The following PDE3B variants were observed in gnomAD, a reference collection of about 807,000 sequenced individuals.
PDE3B encodes the protein phosphodiesterase 3B, also known as cGMP-inhibited 3',5'-cyclic phosphodiesterase 3B.
Under a neutral mutation model 116.8 loss-of-function variants are expected in PDE3B, and 66 were observed. That is an observed-to-expected ratio of 0.56 (90% CI 0.46 to 0.69). The LOEUF (loss-of-function observed/expected upper bound fraction) is 0.69, where lower values mean the gene tolerates loss of function less well. Ranked by LOEUF, PDE3B falls within the 30% of genes least tolerant of loss-of-function variation. PDE3B has a pLI of 0.00. For synonymous variants in PDE3B, 595 were observed against 533.6 expected (o/e 1.12, Z -1.59); for missense variants, 1,384 against 1,368.1 (o/e 1.01, Z -0.18).
chr11:14,678,969 C>T (rs1235821942), intron 1 of PDE3B, among the ~76,000 whole-genome samples: 1 of 152,180 alleles, frequency 6.6e-6, no homozygotes. Context: ...TTTTCTCCTA[C>T]ATACAGAATT....
At chr11:14,726,757 TGAA>T (rs1856316893) in intron 1 of PDE3B, among the ~76,000 whole-genome samples, 1 of 152,180 alleles carries the variant, frequency 6.6e-6, no homozygotes, top group African/African-American at 2.4e-5. Flanking sequence ...TTTGCAAAGA[TGAA>T]GATTGTTTTG....
At chr11:14,782,750 G>A (rs185693786) in intron 2 of PDE3B, among the ~76,000 whole-genome samples, 3,152 of 152,136 alleles carry the variant, frequency 0.021, 109 homozygotes, top group African/African-American at 0.072. Flanking sequence ...AAAAGCCAAA[G>A]TTGACAAATG....
intron 1 of PDE3B, among the ~76,000 whole-genome samples, chr11:14,650,154 C>A (rs1853530696): frequency 6.6e-6 from 1 of 150,384 alleles, no homozygotes; most frequent in Admixed American, 6.6e-5. Context: ...ACAGCACGTT[C>A]TTTGGCCACC....
chr11:14,873,242 C>T (rs1432934863), downstream of PDE3B, among the ~76,000 whole-genome samples: 1 of 152,210 alleles, frequency 6.6e-6, no homozygotes, highest in African/African-American at 2.4e-5. Flanking sequence ...ACAAAACCCA[C>T]TGTTCTGCCA....
intron 1 of PDE3B, among the ~76,000 whole-genome samples, chr11:14,735,008 T>G (rs990002533): frequency 3.3e-5 from 5 of 152,248 alleles, no homozygotes; most frequent in Non-Finnish European, 5.9e-5. Flanking sequence ...TTATGTCTCT[T>G]TCATCTCTTT....
chr11:14,801,278 C>T (rs1162172259), intron 4 of PDE3B, among the ~76,000 whole-genome samples: 2 of 152,194 alleles, frequency 1.3e-5, no homozygotes, highest in Non-Finnish European at 2.9e-5. Context: ...TTCTCCCCAT[C>T]TTTGTGGATT....
intron 10 of PDE3B, among the ~76,000 whole-genome samples, chr11:14,833,962 G>A (rs576071664): frequency 6.6e-6 from 1 of 152,248 alleles, no homozygotes; most frequent in African/African-American, 2.4e-5. Context: ...CATTAGTTAA[G>A]AAAATAGTCT....
At position 14,831,725 on chromosome 11, in the gene PDE3B, T is replaced by C; in HGVS notation, c.2042T>C (p.Ile681Thr). The change falls in exon 9 of 16, where the codon ATT (isoleucine) becomes ACT (threonine). Residue 681 changes from isoleucine (I) to threonine (T), a missense_variant. By Grantham distance (89) the Ile-to-Thr change is moderately conservative. This residue lies in a region of PDE3B where 428 missense variants were observed against 561.4 expected (regional missense o/e 0.76). Coordinates refer to ENST00000282096, the MANE Select transcript of PDE3B (RefSeq NM_000922.4). The part of the protein sequence containing the change: ...IEKMSNWNFP[I>T]FELVEKMGEK... ...AAGATGAGCAACTGGAATTTTCCAATTTTTGAACTTGTAGAAAAGATGGGA... is the reference window on the plus strand; with the variant it reads ...AAGATGAGCAACTGGAATTTTCCAACTTTTGAACTTGTAGAAAAGATGGGA... 1.6e-5 allele frequency: 25 copies of C among 1,606,136 alleles called. No individual in the cohort carries two copies. The highest frequency in any genetic ancestry group is 2.1e-5 in the Non-Finnish European group (25 of 1,174,682).
chr11:14,820,690 T>A (rs1439557290), intron 7 of PDE3B, among the ~76,000 whole-genome samples: 4 of 151,998 alleles, frequency 2.6e-5, no homozygotes, highest in African/African-American at 9.7e-5. Context: ...TGAAGGTGGA[T>A]CCTTCATGAA....
At chr11:14,664,514 C>T (rs1034844118) in intron 1 of PDE3B, among the ~76,000 whole-genome samples, 12 of 141,210 alleles carry the variant, frequency 8.5e-5, no homozygotes, top group African/African-American at 2.2e-4. Context: ...ATTGATAGAC[C>T]GCTAACAAGA....
chr11:14,724,248 G>C (rs1856212260), intron 1 of PDE3B, among the ~76,000 whole-genome samples: 2 of 152,168 alleles, frequency 1.3e-5, no homozygotes, highest in Admixed American at 1.3e-4. Context: ...ATGGTGAAAA[G>C]ATTTCCTACT....
chr11:14,845,635 A>G (rs887053059), intron 12 of PDE3B, among the ~76,000 whole-genome samples: 4 of 152,224 alleles, frequency 2.6e-5, no homozygotes, highest in Admixed American at 1.3e-4. Context: ...AATACAGAGA[A>G]GTGCTTAAAG....
At chr11:14,710,241 A>G (rs1855663215) in intron 1 of PDE3B, among the ~76,000 whole-genome samples, 1 of 152,212 alleles carries the variant, frequency 6.6e-6, no homozygotes. Context: ...GAGATAGTGT[A>G]TATAAAGGTC....
chr11:14,668,519 G>T (rs1399151515), intron 1 of PDE3B, among the ~76,000 whole-genome samples: 2 of 151,952 alleles, frequency 1.3e-5, no homozygotes, highest in Non-Finnish European at 2.9e-5. Context: ...TTTGTCATCA[G>T]CCTCTGCAAA....
At chr11:14,894,891 G>A in the PDE3B span, among the ~76,000 whole-genome samples, 3 of 152,230 alleles carry the variant, frequency 2.0e-5, no homozygotes, top group Non-Finnish European at 2.9e-5. Flanking sequence ...TAGGGCAGCA[G>A]GAAGTTAAGT....
the PDE3B span, chr11:14,891,976 T>C: frequency 3.1e-6 from 5 of 1,612,744 alleles, no homozygotes; most frequent in Admixed American, 1.7e-5. Flanking sequence ...CCGTCGGGGC[T>C]GTACCTCTCC....
intron 2 of PDE3B, among the ~76,000 whole-genome samples, chr11:14,783,765 A>AAT (rs1031712764): frequency 2.7e-5 from 4 of 150,702 alleles, no homozygotes; most frequent in African/African-American, 9.9e-5. Flanking sequence ...ATATAATAAT[A>AAT]AAAAAAAAGA....
At chr11:14,723,089 A>G (rs1270721025) in intron 1 of PDE3B, among the ~76,000 whole-genome samples, 4 of 152,234 alleles carry the variant, frequency 2.6e-5, no homozygotes, top group African/African-American at 7.2e-5. Context: ...AATAGATAAC[A>G]TGTATTGAAC....
intron 7 of PDE3B, among the ~76,000 whole-genome samples, chr11:14,821,890 T>C (rs1196635908): frequency 1.3e-5 from 2 of 151,872 alleles, no homozygotes; most frequent in Non-Finnish European, 1.5e-5. Flanking sequence ...TCAACTCCAA[T>C]GATTACTCTT....
Sources: gnomAD v4.1 joint callset for allele counts (sites outside exome capture counted in the v4.1 genomes callset) on GRCh38, gnomAD v4.1.1 for gene constraint, gnomAD v4.1.1 regional missense constraint, MANE v1.5 for transcripts, NCBI Gene and HGNC (gene_info 2026-07-23, HGNC 2026-07-21) for gene names.